SCRN1: variants seen among roughly 807,000 people sequenced by gnomAD.
The protein encoded by SCRN1 is secernin 1.
SCRN1 carries 19 observed loss-of-function variants against 43.3 expected under a neutral mutation model. The observed-to-expected ratio is 0.44, with a 90% CI of 0.31 to 0.64. The LOEUF is 0.64. Ranked by LOEUF, SCRN1 falls within the 30% of genes least tolerant of loss-of-function variation. The pLI, the probability that SCRN1 is intolerant of heterozygous loss-of-function variation, is 0.09. For synonymous variants in SCRN1, 183 were observed against 188.9 expected, an observed-to-expected ratio of 0.97 and a Z score of 0.26; for missense variants, 447 against 524.1, an observed-to-expected ratio of 0.85 and a Z score of 1.44.
intron 1 of SCRN1, among the ~76,000 whole-genome samples, chr7:29,977,001 G>A (rs971837383): frequency 1.1e-4 from 17 of 152,202 alleles, no homozygotes; most frequent in Non-Finnish European, 2.9e-5. Flanking sequence ...TGAATGCTCT[G>A]AGCCAAGGCA....
chr7:29,947,163 T>C (rs1275499573), intron 3 of SCRN1: 5 of 1,546,332 alleles, frequency 3.2e-6, no homozygotes, highest in Non-Finnish European at 4.4e-6. Flanking sequence ...TTCGAATTCT[T>C]CCAAAGTGTG....
At chr7:29,930,690 G>A (rs936521742) in intron 6 of SCRN1, among the ~76,000 whole-genome samples, 2 of 152,174 alleles carry the variant, frequency 1.3e-5, no homozygotes, top group Non-Finnish European at 2.9e-5. Context: ...CCTCAGGGCT[G>A]ACTCTCAGAC....
At chr7:29,956,121 G>C (rs765510540) in intron 2 of SCRN1, among the ~76,000 whole-genome samples, 2 of 152,230 alleles carry the variant, frequency 1.3e-5, no homozygotes, top group Non-Finnish European at 2.9e-5. Context: ...TTCTTCCCAA[G>C]TATTTTTAAC....
intron 1 of SCRN1, among the ~76,000 whole-genome samples, chr7:29,982,025 C>T (rs919229453): frequency 2.0e-5 from 3 of 152,206 alleles, no homozygotes; most frequent in African/African-American, 4.8e-5. Context: ...TTGATATACT[C>T]TGGCATAAAG....
rs1025745235 is a variant in SCRN1, at chr7:29,950,312, G to A, written c.341+4867C>T. Among the ~76,000 whole-genome samples, 1 of 152,168 alleles carries A rather than the reference G, an allele frequency of 6.6e-6. No homozygotes were observed. Among genetic ancestry groups the A allele is most frequent in the African/African-American group, 2.4e-5 (1 of 41,432 alleles). On this transcript the variant is annotated intron_variant, in intron 3 of 7. Coordinates refer to ENST00000242059, the MANE Select transcript of SCRN1 (RefSeq NM_014766.5). This position sits in a 1 kb window ranked among gnomAD's most constrained non-coding sequence, Gnocchi z 4.5. ...GGTGCTGACACACCAGCCCCCTGCC[G>A]CCTCGGGCTTCTCCAGACTTTGGGC...
chr7:29,957,452 C>T (rs1172871026), intron 2 of SCRN1, among the ~76,000 whole-genome samples: 3 of 152,212 alleles, frequency 2.0e-5, no homozygotes, highest in Non-Finnish European at 4.4e-5. Flanking sequence ...TCCATTTATC[C>T]CCTTCTGAAA....
chr7:29,963,198 G>C (rs1788384321), intron 2 of SCRN1, among the ~76,000 whole-genome samples: 1 of 152,140 alleles, frequency 6.6e-6, no homozygotes, highest in Non-Finnish European at 1.5e-5. Context: ...CTGAGTTTCA[G>C]AGAGGCTCAA....
At chr7:29,937,882 C>T (rs1372519541) in intron 5 of SCRN1, among the ~76,000 whole-genome samples, 2 of 152,214 alleles carry the variant, frequency 1.3e-5, no homozygotes. Context: ...TCTCTACTTA[C>T]ATGTCATACC....
At chr7:29,983,115 G>A (rs946375872) in intron 1 of SCRN1, among the ~76,000 whole-genome samples, 1 of 151,972 alleles carries the variant, frequency 6.6e-6, no homozygotes, top group African/African-American at 2.4e-5. Flanking sequence ...GGGATTACAG[G>A]CATGAGCCAT....
chr7:29,977,710 G>A (rs1788874608), intron 1 of SCRN1, among the ~76,000 whole-genome samples: 1 of 152,226 alleles, frequency 6.6e-6, no homozygotes, highest in Non-Finnish European at 1.5e-5. Context: ...AACTGTATGG[G>A]CTATTAAGTG....
At chr7:29,939,992 A>G (rs1203213184) in intron 5 of SCRN1, among the ~76,000 whole-genome samples, 5 of 152,034 alleles carry the variant, frequency 3.3e-5, no homozygotes, top group Non-Finnish European at 7.4e-5. Flanking sequence ...TCTACAAAAA[A>G]AAAAAAAATT....
chr7:29,987,233 C>T (rs1789189585), intron 1 of SCRN1, among the ~76,000 whole-genome samples: 1 of 152,212 alleles, frequency 6.6e-6, no homozygotes, highest in South Asian at 2.1e-4. Flanking sequence ...CCTCTTCACA[C>T]TAACCCATGC....
intron 1 of SCRN1, among the ~76,000 whole-genome samples, chr7:29,980,929 A>G (rs1788974940): frequency 6.6e-6 from 1 of 152,226 alleles, no homozygotes; most frequent in Non-Finnish European, 1.5e-5. Flanking sequence ...ATGGATAGAT[A>G]GATTTTAAAA....
At position 29,955,316 on chromosome 7, in the gene SCRN1, T is replaced by C. The variant is rs1027364725; in HGVS notation, c.204A>G (p.Ile68Met). 11 of 1,614,096 alleles carry C rather than the reference T, an allele frequency of 6.8e-6. No individual in the cohort carries two copies. The African/African-American group carries it at 1.5e-4, about 22-fold the overall frequency. The stretch of plus-strand genomic sequence containing the variant: ...AGAGCCAGGCGGGTCTGCTTATCAT[T>C]ATGGCATAGGTCCTTGGAACTTGGT... ...SIDQVPRTYA[I>M]MISRPAWLWG... Residue 68 changes from isoleucine to methionine, a missense_variant, in exon 3 of 8, where the codon ATA becomes ATG. Physicochemically the swap from Ile to Met is conservative, Grantham distance 10. Transcript: ENST00000242059.
intron 2 of SCRN1, among the ~76,000 whole-genome samples, chr7:29,964,354 G>A (rs1419222027): frequency 1.3e-5 from 2 of 152,176 alleles, no homozygotes; most frequent in Non-Finnish European, 2.9e-5. Flanking sequence ...GTGTCATCAA[G>A]CTTGGAAAAG....
chr7:29,933,926 A>C (rs770089823), intron 6 of SCRN1, among the ~76,000 whole-genome samples: 3 of 152,218 alleles, frequency 2.0e-5, no homozygotes, highest in Non-Finnish European at 4.4e-5. Context: ...CTATGAAACA[A>C]TTTCTAACAT....
At chr7:29,984,115 A>C (rs1167626058) in intron 1 of SCRN1, among the ~76,000 whole-genome samples, 1 of 151,868 alleles carries the variant, frequency 6.6e-6, no homozygotes, top group Admixed American at 6.6e-5. Flanking sequence ...CTGAGGCACA[A>C]GAATCACTTG....
At chr7:29,927,365 C>T (rs1787001549) in intron 6 of SCRN1, among the ~76,000 whole-genome samples, 1 of 103,818 alleles carries the variant, frequency 9.6e-6, no homozygotes, top group Non-Finnish European at 2.0e-5. Flanking sequence ...CACCCACCCA[C>T]CCACACACAC....
In SCRN1 at chr7:29,923,812, C is replaced by T; in HGVS notation, c.*145G>A. On this transcript the variant is annotated 3_prime_UTR_variant, in exon 8 of 8. Transcript: ENST00000242059. ...GGACGCTGTGAGATTCAAGGTGGAA[C>T]ACAAGGTAACAGTTTGATCTGGCTT... 1 of 853,112 alleles carries T rather than the reference C, an allele frequency of 1.2e-6. No individual in the cohort carries two copies. The highest frequency in any genetic ancestry group is 1.8e-6 in the Non-Finnish European group (1 of 541,858). 52.8% of individuals were successfully genotyped at this position (853,112 alleles called of 1,614,324 possible).
Sources: gnomAD v4.1 joint callset for allele counts (sites outside exome capture counted in the v4.1 genomes callset) on GRCh38, gnomAD v4.1.1 for gene constraint, Gnocchi (gnomAD v3.1) non-coding constraint, MANE v1.5 for transcripts, NCBI Gene and HGNC (gene_info 2026-07-23, HGNC 2026-07-21) for gene names.